The following SLC9A9 variants were observed in gnomAD, a reference collection of about 807,000 sequenced individuals.
SLC9A9 encodes sodium/hydrogen exchanger 9.
In SLC9A9, 62 loss-of-function variants were observed where a neutral mutation model predicts 77.8. That is an observed-to-expected ratio of 0.80 (90% CI 0.65 to 0.98). The LOEUF (loss-of-function observed/expected upper bound fraction) is 0.98. Ranked by LOEUF, SLC9A9 falls within the 50% of genes least tolerant of loss-of-function variation. The pLI is 0.00. For synonymous variants in SLC9A9, 320 were observed against 283.5 expected (o/e 1.13, Z -1.29); for missense variants, 775 against 774.9 (o/e 1.00, Z 0.00).
At chr3:143,828,803 G>C (rs186053855) in intron 2 of SLC9A9, among the ~76,000 whole-genome samples, 1 of 152,190 alleles carries the variant, frequency 6.6e-6, no homozygotes, top group African/African-American at 2.4e-5. Flanking sequence ...TAAGGGGCTG[G>C]TAGATCTGCA....
intron 2 of SLC9A9, among the ~76,000 whole-genome samples, chr3:143,809,434 C>A (rs771292683): frequency 6.6e-6 from 1 of 152,136 alleles, no homozygotes; most frequent in South Asian, 2.1e-4. Context: ...TGTAAGCTTA[C>A]GAACTGCTAA....
intron 6 of SLC9A9, among the ~76,000 whole-genome samples, chr3:143,626,128 G>A (rs537972428): frequency 2.6e-5 from 4 of 152,350 alleles, no homozygotes; most frequent in African/African-American, 9.6e-5. Flanking sequence ...AGGTGCTGGA[G>A]AGGATGTGGA....
At chr3:143,295,006 A>G (rs775511169) in intron 14 of SLC9A9, among the ~76,000 whole-genome samples, 50 of 152,356 alleles carry the variant, frequency 3.3e-4, no homozygotes, top group Non-Finnish European at 6.8e-4. Context: ...ATGATTTGGC[A>G]TTAGTGATTT....
At chr3:143,583,862 C>T (rs543670734) in intron 6 of SLC9A9, among the ~76,000 whole-genome samples, 3 of 152,354 alleles carry the variant, frequency 2.0e-5, no homozygotes, top group African/African-American at 4.8e-5. Flanking sequence ...GTCTCTCCCA[C>T]TCTGACTGTC....
intron 12 of SLC9A9, among the ~76,000 whole-genome samples, chr3:143,442,142 C>T (rs2034752286): frequency 1.3e-5 from 2 of 152,210 alleles, no homozygotes; most frequent in African/African-American, 4.8e-5. Context: ...AAGGTGCCTG[C>T]ACAGTGGAGC....
At chr3:143,684,668 T>C (rs1933203409) in intron 5 of SLC9A9, among the ~76,000 whole-genome samples, 1 of 152,080 alleles carries the variant, frequency 6.6e-6, no homozygotes, top group Admixed American at 6.6e-5. Flanking sequence ...ATTGAGACAT[T>C]TGGGCAGGAG....
intron 9 of SLC9A9, among the ~76,000 whole-genome samples, chr3:143,496,885 A>T (rs1424990710): frequency 6.6e-6 from 1 of 152,174 alleles, no homozygotes; most frequent in Non-Finnish European, 1.5e-5. Flanking sequence ...GGAAATCCAA[A>T]ATCAAGGTGC....
intron 12 of SLC9A9, among the ~76,000 whole-genome samples, chr3:143,465,740 T>G (rs1229412095): frequency 6.6e-6 from 1 of 152,200 alleles, no homozygotes; most frequent in Non-Finnish European, 1.5e-5. Flanking sequence ...TTATAGAGTT[T>G]AATGCAATCT....
chr3:143,505,637 G>A (rs779579555), intron 9 of SLC9A9, among the ~76,000 whole-genome samples: 9 of 152,086 alleles, frequency 5.9e-5, no homozygotes, highest in Non-Finnish European at 8.8e-5. Context: ...CTCCTGTCTC[G>A]TATATTTCAT....
At chr3:143,322,516 G>C (rs1234602790) in intron 14 of SLC9A9, among the ~76,000 whole-genome samples, 3 of 152,100 alleles carry the variant, frequency 2.0e-5, no homozygotes, top group African/African-American at 7.2e-5. Flanking sequence ...TACTGCATGA[G>C]CCCATGCCTT....
At chr3:143,384,726 C>G (rs552193919) in intron 12 of SLC9A9, among the ~76,000 whole-genome samples, 38 of 152,178 alleles carry the variant, frequency 2.5e-4, no homozygotes, top group Non-Finnish European at 4.3e-4. Flanking sequence ...CACATCTCAT[C>G]TCAGGGCAGG....
intron 12 of SLC9A9, among the ~76,000 whole-genome samples, chr3:143,394,491 G>A (rs1046089789): frequency 2.0e-5 from 3 of 152,094 alleles, no homozygotes; most frequent in African/African-American, 4.8e-5. Flanking sequence ...CCCACAGTCA[G>A]TATCATACTG....
In SLC9A9 at chr3:143,606,434, CTCTATATATA is replaced by C. The variant is rs1347685526; in HGVS notation, c.756-27721_756-27712del. Among the ~76,000 whole-genome samples, 77 of 52,954 alleles carry C rather than the reference CTCTATATATA, an allele frequency of 1.5e-3. 1 individual carries two copies. The highest frequency in any genetic ancestry group is 2.3e-3 in the African/African-American group (30 of 13,096). 34.7% of individuals were successfully genotyped at this position (52,954 alleles called of 152,430 possible). ...TCTCTCTCTCTCTCTCTCTCTCTCT[CTCTATATATA>C]TATATATATATATATATGTATATAA... On this transcript the variant is annotated intron_variant, in intron 6 of 15. Transcript: ENST00000316549.
At chr3:143,716,343 G>T (rs1454978878) in intron 4 of SLC9A9, among the ~76,000 whole-genome samples, 5 of 151,952 alleles carry the variant, frequency 3.3e-5, no homozygotes, top group African/African-American at 1.2e-4. Flanking sequence ...CAAAATGTTG[G>T]GATTACAAGC....
At chr3:143,785,229 G>T (rs1256563669) in intron 4 of SLC9A9, among the ~76,000 whole-genome samples, 7 of 152,166 alleles carry the variant, frequency 4.6e-5, no homozygotes, top group Non-Finnish European at 8.8e-5. Context: ...GTGATAATTT[G>T]ACCAATACAA....
intron 14 of SLC9A9, among the ~76,000 whole-genome samples, chr3:143,359,560 G>T (rs1284697316): frequency 2.0e-5 from 3 of 152,132 alleles, no homozygotes; most frequent in African/African-American, 7.2e-5. Context: ...TGCTTGGGGT[G>T]CCTGAGGAAG....
chr3:143,774,421 G>C lies in SLC9A9; in HGVS notation c.533+20580C>G, dbSNP rs146913820. Among the ~76,000 whole-genome samples, 782 of 152,308 alleles carry C rather than the reference G, an allele frequency of 5.1e-3. 2 individuals carry two copies. Among genetic ancestry groups the C allele is most frequent in the Non-Finnish European group, 8.8e-3 (601 of 68,018 alleles). ...TAGGGACACAGGTTGAAGCCAGACG[G>C]CTTGGGTTCAAATCCCAGCTCTTCC... On this transcript the variant is annotated intron_variant, in intron 4 of 15. Transcript: ENST00000316549.
At chr3:143,649,849 C>T (rs1276090401) in intron 6 of SLC9A9, among the ~76,000 whole-genome samples, 3 of 152,126 alleles carry the variant, frequency 2.0e-5, no homozygotes, top group East Asian at 3.8e-4. Context: ...TATCACTGTT[C>T]TTAAACTTCA....
chr3:143,445,107 C>G, intron 12 of SLC9A9, among the ~76,000 whole-genome samples: 1 of 152,132 alleles, frequency 6.6e-6, no homozygotes, highest in African/African-American at 2.4e-5. Context: ...CATTATATCA[C>G]ACATGTCAAT....
Sources: allele counts gnomAD v4.1 joint callset (sites outside exome capture counted in the v4.1 genomes callset), GRCh38; gene constraint gnomAD v4.1.1; transcripts MANE v1.5; gene names NCBI Gene and HGNC (gene_info 2026-07-23, HGNC 2026-07-21).